Variants in ROS1 observed in about 807,000 individuals in gnomAD.
The protein encoded by ROS1 is proto-oncogene tyrosine-protein kinase ROS.
Under a neutral mutation model 273.5 loss-of-function variants are expected in ROS1, and 263 were observed. The observed-to-expected ratio is 0.96, with a 90% CI of 0.87 to 1.06. The LOEUF (loss-of-function observed/expected upper bound fraction) is 1.06, where lower values mean the gene tolerates loss of function less well. ROS1 is among the 50% of genes least tolerant of loss of function. The probability of loss-of-function intolerance (pLI) is 0.00; values close to 1 mark genes in which losing one functional copy is unlikely to be tolerated. For missense variants in ROS1, 2,833 were observed against 2,751.1 expected, an observed-to-expected ratio of 1.03 and a Z score of -0.67; for synonymous variants, 1,008 against 954.1, an observed-to-expected ratio of 1.06 and a Z score of -1.04.
intron 43 of ROS1, among the ~76,000 whole-genome samples, chr6:117,292,249 T>C (rs1036227293): frequency 1.5e-4 from 23 of 152,154 alleles, no homozygotes; most frequent in East Asian, 1.2e-3. Context: ...GGATTACAGG[T>C]ATGAGCCACA....
rs750354810 is a variant in ROS1 at position 117,321,308 on chromosome 6, G to A, written c.5710C>T (p.Arg1904Ter). 1.2e-5 allele frequency: 20 copies of A among 1,613,594 alleles called. No homozygotes were observed. Among genetic ancestry groups the A allele is most frequent in the Middle Eastern group, 1.6e-4 (1 of 6,080 alleles). The change falls in exon 36 of 44, where the codon CGA (arginine) becomes TGA (stop). Residue 1904 changes from arginine (R) to a stop codon, truncating the protein, a stop_gained. Coordinates refer to ENST00000368507, the MANE Select transcript of ROS1 (RefSeq NM_001378902.1). LOFTEE classifies it high-confidence loss of function. Reference protein sequence around the residue: ...INEDKELAELRGLAAGVGLAN... With the variant: ...INEDKELAEL ...AGGCCTACTCCGGCTGCCAGACCTC[G>A]CAGCTCAGCCAACTCTTTGTCTTCG...
At chr6:117,388,250 G>A (rs537432592) in intron 13 of ROS1, among the ~76,000 whole-genome samples, 1 of 152,252 alleles carries the variant, frequency 6.6e-6, no homozygotes, top group African/African-American at 2.4e-5. Context: ...AAAGCTATAT[G>A]CTTGCTGCAT....
At chr6:117,408,170 A>G (rs911622914) in intron 5 of ROS1, among the ~76,000 whole-genome samples, 27 of 152,078 alleles carry the variant, frequency 1.8e-4, no homozygotes, top group Admixed American at 1.6e-3. Flanking sequence ...CTTCATGTCT[A>G]AAACTCCAAA....
intron 18 of ROS1, among the ~76,000 whole-genome samples, chr6:117,372,555 T>A (rs983430203): frequency 1.3e-5 from 2 of 152,174 alleles, no homozygotes; most frequent in Admixed American, 6.5e-5. Flanking sequence ...CCTTCTGATG[T>A]TCGGATGTGT....
chr6:117,367,053 C>T (rs1448671620), intron 18 of ROS1, among the ~76,000 whole-genome samples: 2 of 152,084 alleles, frequency 1.3e-5, no homozygotes, highest in African/African-American at 2.4e-5. Flanking sequence ...AGGTAATCAT[C>T]CAGAAATGAA....
rs1458536244 is a variant in ROS1, at chr6:117,362,752, C to A, written c.3217G>T (p.Val1073Leu). The change falls in exon 22 of 44, where the codon GTG becomes TTG. Residue 1073 changes from valine (V) to leucine (L), a missense_variant. Val to Leu is a conservative substitution (Grantham distance 32). Coordinates refer to ENST00000368507, the MANE Select transcript of ROS1 (RefSeq NM_001378902.1). ...RWNKPKHENGVLTKFEIFYNI... is the reference protein window; with the variant it reads ...RWNKPKHENGLLTKFEIFYNI... Reference sequence around the variant, plus strand: ...TAGAAAATTTCAAATTTTGTTAACACCCCATTTTCATGCTTAGGTTTGTTC... The same window carrying A: ...TAGAAAATTTCAAATTTTGTTAACAACCCATTTTCATGCTTAGGTTTGTTC... 10 of 1,613,532 alleles carry A rather than the reference C, an allele frequency of 6.2e-6. No individual in the cohort carries two copies. Among genetic ancestry groups the A allele is most frequent in the Non-Finnish European group, 8.5e-6 (10 of 1,179,698 alleles).
At chr6:117,318,288 G>A (rs2128557073) in intron 37 of ROS1, 36 bp from the exon 38 acceptor site, 1 of 1,517,888 alleles carries the variant, frequency 6.6e-7, no homozygotes, top group Non-Finnish European at 9.1e-7. Flanking sequence ...AATCAGTATA[G>A]CAGACATTTC....
intron 32 of ROS1, among the ~76,000 whole-genome samples, chr6:117,332,180 A>G (rs1777127466): frequency 6.6e-6 from 1 of 150,556 alleles, no homozygotes; most frequent in Non-Finnish European, 1.5e-5. Context: ...AAAAAAAAAA[A>G]AGAGGGTTGC....
chr6:117,408,174 C>T (rs1486000821), intron 5 of ROS1, among the ~76,000 whole-genome samples: 2 of 151,884 alleles, frequency 1.3e-5, no homozygotes, highest in African/African-American at 2.4e-5. Flanking sequence ...ATGTCTAAAA[C>T]TCCAAAAGCA....
rs1385257970 is a variant in ROS1, at chr6:117,301,010, C to T, written c.6679G>A (p.Ala2227Thr). The T allele has an allele frequency of 3.1e-6, 5 of 1,590,308 alleles. No homozygotes were observed. In the African/African-American group the frequency reaches 4.1e-5, roughly 13 times the overall value. ...LNSIYKSRDE[A>T]NNSGVINESF... is the part of the protein sequence containing the mutation. ...TCATTTATGACTCCACTGTTGTTTG[C>T]TTCATCTCTGGACTTATAAATGCTA... The change falls in exon 43 of 44, where the codon GCA becomes ACA. Residue 2227 changes from alanine to threonine, a missense_variant. Ala to Thr is a moderately conservative substitution (Grantham distance 58). Transcript: ENST00000368507.
Position 117,353,025 on chromosome 6 carries a change from A to T in ROS1, c.4268T>A (p.Ile1423Asn). 6.2e-7 allele frequency: 1 copy of T among 1,613,980 alleles called. No individual in the cohort carries two copies. The highest frequency in any genetic ancestry group is 8.5e-7 in the Non-Finnish European group (1 of 1,179,992). ...CTGCATAACTGAACTGTAAGCCAAGATATGCCTACTCCTTAGGGCCTTCAC... is the reference window on the plus strand; with the variant it reads ...CTGCATAACTGAACTGTAAGCCAAGTTATGCCTACTCCTTAGGGCCTTCAC... ...SQVKALRSRH[I>N]LAYSSVMQPF... The change falls in exon 27 of 44, where the codon ATC becomes AAC. Residue 1423 changes from isoleucine to asparagine, a missense_variant. Physicochemically the swap from Ile to Asn is moderately radical, Grantham distance 149 (BLOSUM62 -3). Coordinates refer to ENST00000368507, the MANE Select transcript of ROS1 (RefSeq NM_001378902.1).
At chr6:117,358,434 C>T (rs1779509280) in intron 24 of ROS1, among the ~76,000 whole-genome samples, 1 of 151,820 alleles carries the variant, frequency 6.6e-6, no homozygotes, top group South Asian at 2.1e-4. Context: ...TCCTCCTTGA[C>T]TTCTTCTCAT....
intron 43 of ROS1, among the ~76,000 whole-genome samples, chr6:117,289,248 T>G (rs1471046200): frequency 6.6e-6 from 1 of 152,236 alleles, no homozygotes; most frequent in Non-Finnish European, 1.5e-5. Flanking sequence ...AGATTGGTTT[T>G]TCTAGATTTA....
intron 39 of ROS1, among the ~76,000 whole-genome samples, chr6:117,314,177 G>A (rs540709100): frequency 7.9e-5 from 12 of 152,088 alleles, no homozygotes; most frequent in Admixed American, 2.0e-4. Flanking sequence ...TTGAATGTGC[G>A]CATTTTTAGT....
intron 39 of ROS1, among the ~76,000 whole-genome samples, chr6:117,315,815 G>T (rs1330999885): frequency 6.6e-6 from 1 of 152,072 alleles, no homozygotes; most frequent in African/African-American, 2.4e-5. Context: ...AGCTAGCCTA[G>T]AGCACAAGCA....
intron 43 of ROS1, among the ~76,000 whole-genome samples, chr6:117,292,388 C>T (rs1773902529): frequency 6.6e-6 from 1 of 152,132 alleles, no homozygotes; most frequent in Non-Finnish European, 1.5e-5. Context: ...GATTGCTTTA[C>T]CTCTCTGCAG....
At chr6:117,333,961 T>C (rs931074206) in intron 32 of ROS1, among the ~76,000 whole-genome samples, 2 of 152,074 alleles carry the variant, frequency 1.3e-5, no homozygotes, top group African/African-American at 4.8e-5. Context: ...CTCTCACCAC[T>C]CCTATTCAAC....
chr6:117,289,898 C>T (rs982870148), intron 43 of ROS1, among the ~76,000 whole-genome samples: 4 of 151,970 alleles, frequency 2.6e-5, no homozygotes, highest in Non-Finnish European at 5.9e-5. Flanking sequence ...TTAAGATGCC[C>T]ATAAGAATAA....
chr6:117,288,193 C>A lies in ROS1; in HGVS notation c.*299G>T. 5.1e-6 allele frequency: 2 copies of A among 395,786 alleles called. No individual in the cohort carries two copies. The highest frequency in any genetic ancestry group is 4.5e-6 in the Non-Finnish European group (1 of 221,282). The allele number at this position is 395,786 out of a possible 1,614,324, so 24.5% of individuals were successfully genotyped here. A position where few individuals can be genotyped will look rare whatever the true frequency, so the allele number is the denominator to read the frequency against. On this transcript the variant is annotated 3_prime_UTR_variant, in exon 44 of 44. Coordinates refer to ENST00000368507, the MANE Select transcript of ROS1 (RefSeq NM_001378902.1). The stretch of plus-strand genomic sequence containing the variant: ...CCCAAACTGAAAGGTGGGTAAGAGC[C>A]TAAAGCACCTCAAGGGAGAAGGGAG...
Sources: gnomAD v4.1 joint callset for allele counts (sites outside exome capture counted in the v4.1 genomes callset) on GRCh38, gnomAD v4.1.1 for gene constraint, MANE v1.5 for transcripts, NCBI Gene and HGNC (gene_info 2026-07-23, HGNC 2026-07-21) for gene names.